Variants in GALNT17 observed in about 807,000 individuals in gnomAD.
GALNT17 encodes the protein polypeptide N-acetylgalactosaminyltransferase 17.
GALNT17 carries 29 observed loss-of-function variants against 63.7 expected under a neutral mutation model. The observed-to-expected ratio is 0.46, with a 90% CI of 0.34 to 0.62. The LOEUF (loss-of-function observed/expected upper bound fraction) is 0.62, where lower values mean the gene tolerates loss of function less well. Ranked by LOEUF, GALNT17 falls within the 20% of genes least tolerant of loss-of-function variation. GALNT17 has a pLI of 0.01. For missense variants in GALNT17, 603 were observed against 799.6 expected (o/e 0.75, Z 2.97); for synonymous variants, 305 against 318.3 (o/e 0.96, Z 0.45).
chr7:71,401,328 C>T (rs1401789860), intron 3 of GALNT17, among the ~76,000 whole-genome samples: 3 of 152,120 alleles, frequency 2.0e-5, no homozygotes, highest in African/African-American at 7.2e-5. Context: ...AACTTCTGAC[C>T]TCAGATGATC....
chr7:71,415,856 T>G, intron 3 of GALNT17, 33 bp from the exon 4 acceptor site: 1 of 1,554,168 alleles, frequency 6.4e-7, no homozygotes, highest in Non-Finnish European at 8.7e-7. Context: ...AATGACATGT[T>G]TATAGACCTT....
At chr7:71,583,373 C>A (rs531574653) in intron 6 of GALNT17, among the ~76,000 whole-genome samples, 1 of 152,324 alleles carries the variant, frequency 6.6e-6, no homozygotes, top group African/African-American at 2.4e-5. Context: ...GGATTACAGG[C>A]CTGAGCCACC....
chr7:71,260,713 G>C (rs1000558509), intron 1 of GALNT17, among the ~76,000 whole-genome samples: 1 of 151,636 alleles, frequency 6.6e-6, no homozygotes, highest in African/African-American at 2.4e-5. Context: ...TCCTGCGTCA[G>C]CCTCCCAAGT....
intron 2 of GALNT17, among the ~76,000 whole-genome samples, chr7:71,342,779 G>A (rs563193925): frequency 1.3e-5 from 2 of 152,298 alleles, no homozygotes; most frequent in South Asian, 4.1e-4. Context: ...TACACATCAA[G>A]AAATACTAAC....
chr7:71,309,121 C>T (rs985114682), intron 1 of GALNT17, among the ~76,000 whole-genome samples: 2 of 152,136 alleles, frequency 1.3e-5, no homozygotes, highest in East Asian at 1.9e-4. Flanking sequence ...TGATGTCACC[C>T]TCTACCTAGT....
chr7:71,464,210 T>G (rs1199417014), intron 5 of GALNT17, among the ~76,000 whole-genome samples: 1 of 152,190 alleles, frequency 6.6e-6, no homozygotes, highest in Non-Finnish European at 1.5e-5. Context: ...GGATTCTTGC[T>G]AAAGGCAGGC....
intron 3 of GALNT17, among the ~76,000 whole-genome samples, chr7:71,410,521 T>C (rs1350367333): frequency 6.6e-6 from 1 of 152,202 alleles, no homozygotes; most frequent in Non-Finnish European, 1.5e-5. Flanking sequence ...GCTGGGATTA[T>C]AGGTGTGAGC....
rs146372402 is a variant in GALNT17 at position 71,318,895 on chromosome 7, C to T, written c.239-16655C>T. ...TGCAGAGAGGAGCATAGAATCCAAG[C>T]GCTCCAGCGGTCTTAGACCTTCTTG... is the stretch of plus-strand genomic sequence containing the variant. On this transcript the variant is annotated intron_variant, in intron 1 of 10. Transcript: ENST00000333538. 4.1e-4 allele frequency among the ~76,000 whole-genome samples: 62 copies of T among 152,238 alleles called. No individual in the cohort carries two copies. The East Asian group carries it at 4.3e-3, about 10-fold the overall frequency.
At chr7:71,670,515 T>C (rs1353564680) in intron 8 of GALNT17, among the ~76,000 whole-genome samples, 1 of 152,166 alleles carries the variant, frequency 6.6e-6, no homozygotes, top group East Asian at 1.9e-4. Context: ...GGAAACGTTC[T>C]CAGATTGTCT....
intron 6 of GALNT17, among the ~76,000 whole-genome samples, chr7:71,606,834 A>G (rs538668571): frequency 1.2e-3 from 182 of 152,302 alleles, no homozygotes; most frequent in African/African-American, 4.3e-3. Flanking sequence ...ACAGTTCTCT[A>G]CAACTGGATG....
At chr7:71,351,463 T>G (rs2116181486) in intron 2 of GALNT17, among the ~76,000 whole-genome samples, 1 of 152,020 alleles carries the variant, frequency 6.6e-6, no homozygotes, top group East Asian at 1.9e-4. Context: ...GCAGATGTAA[T>G]TAGTTAAAGT....
chr7:71,147,534 G>C (rs1427866856), intron 1 of GALNT17, among the ~76,000 whole-genome samples: 1 of 152,068 alleles, frequency 6.6e-6, no homozygotes, highest in African/African-American at 2.4e-5. Flanking sequence ...ACACACCCAG[G>C]ATTAATATTT....
chr7:71,193,396 G>A (rs1218872886), intron 1 of GALNT17, among the ~76,000 whole-genome samples: 1 of 149,954 alleles, frequency 6.7e-6, no homozygotes. Context: ...CACCACACTT[G>A]CCCCTCATCT....
At chr7:71,415,768 C>A (rs1793512283) in intron 3 of GALNT17, 121 bp from the exon 4 acceptor site, 2 of 1,150,624 alleles carry the variant, frequency 1.7e-6, no homozygotes, top group Non-Finnish European at 2.4e-6. Flanking sequence ...GCCAGAATTA[C>A]TAACATGCGA....
chr7:71,711,944 C>T, intron 10 of GALNT17, 74 bp from the exon 11 acceptor site: 2 of 1,509,286 alleles, frequency 1.3e-6, no homozygotes, highest in Non-Finnish European at 1.8e-6. Flanking sequence ...CTCTCTTTCT[C>T]CTCTCTCTAT....
rs1010397012 is a variant in GALNT17, at chr7:71,639,074, A to T, written c.1081-26337A>T. On this transcript the variant is annotated intron_variant, in intron 6 of 10. Coordinates refer to ENST00000333538, the MANE Select transcript of GALNT17 (RefSeq NM_022479.3). ...TAACAACTCAATTGCATTTTAAGATAACTAAAAGAGTTTAATTAGATTGTT... is the reference window on the plus strand; with the variant it reads ...TAACAACTCAATTGCATTTTAAGATTACTAAAAGAGTTTAATTAGATTGTT... Among the ~76,000 whole-genome samples the T allele has an allele frequency of 4.6e-5, 7 of 152,208 alleles. No homozygotes were observed. In the East Asian group the frequency reaches 1.2e-3, roughly 25 times the overall value.
chr7:71,628,073 G>GAA (rs5884848), intron 6 of GALNT17, among the ~76,000 whole-genome samples: 1 of 151,536 alleles, frequency 6.6e-6, no homozygotes, highest in South Asian at 2.1e-4. Context: ...ATCTCAGGGG[G>GAA]AAAAAAGTCT....
chr7:71,505,265 C>G (rs2116711266), intron 5 of GALNT17, among the ~76,000 whole-genome samples: 1 of 152,238 alleles, frequency 6.6e-6, no homozygotes, highest in East Asian at 1.9e-4. Context: ...CTCATATCTT[C>G]CCTCTCCTGC....
intron 5 of GALNT17, among the ~76,000 whole-genome samples, chr7:71,544,297 ATTTTT>A (rs754061155): frequency 8.6e-6 from 1 of 116,922 alleles, no homozygotes. Context: ...ACGCCCGGCT[ATTTTT>A]TTTTTTTTTT....
Sources: allele counts gnomAD v4.1 joint callset (sites outside exome capture counted in the v4.1 genomes callset), GRCh38; gene constraint gnomAD v4.1.1; transcripts MANE v1.5; gene names NCBI Gene and HGNC (gene_info 2026-07-23, HGNC 2026-07-21).